The following NOS1AP variants were observed in gnomAD, a reference collection of about 807,000 sequenced individuals.
NOS1AP encodes carboxyl-terminal PDZ ligand of neuronal nitric oxide synthase protein.
In NOS1AP, 21 loss-of-function variants were observed where a neutral mutation model predicts 56.2. The ratio of observed to expected loss-of-function variants is 0.37; its 90% CI spans 0.26 to 0.54. The LOEUF (loss-of-function observed/expected upper bound fraction) is 0.54, where lower values mean the gene tolerates loss of function less well. NOS1AP is among the 20% of genes least tolerant of loss of function. The pLI is 0.84. For synonymous variants in NOS1AP, 270 were observed against 274.6 expected (o/e 0.98, Z 0.17); for missense variants, 522 against 657.8 (o/e 0.79, Z 2.26).
intron 2 of NOS1AP, among the ~76,000 whole-genome samples, chr1:162,207,920 G>A (rs1652213579): frequency 6.6e-6 from 1 of 152,110 alleles, no homozygotes; most frequent in Non-Finnish European, 1.5e-5. Context: ...GAAAAAAATA[G>A]TAATTCCTGA....
intron 2 of NOS1AP, among the ~76,000 whole-genome samples, chr1:162,160,293 T>A (rs182019725): frequency 6.6e-6 from 1 of 152,110 alleles, no homozygotes; most frequent in Non-Finnish European, 1.5e-5. Flanking sequence ...TTGAACAGAA[T>A]TCACCGGTGA....
intron 2 of NOS1AP, among the ~76,000 whole-genome samples, chr1:162,252,149 T>G (rs1475560306): frequency 6.6e-6 from 1 of 152,052 alleles, no homozygotes; most frequent in Non-Finnish European, 1.5e-5. Flanking sequence ...CAGGTCCAAA[T>G]GATCTTCCCA....
chr1:162,108,749 A>G (rs1647603299), intron 1 of NOS1AP, among the ~76,000 whole-genome samples: 1 of 152,198 alleles, frequency 6.6e-6, no homozygotes, highest in Admixed American at 6.5e-5. Flanking sequence ...GGGCAGAGGA[A>G]TGTGTTAAAT....
chr1:162,081,708 T>G (rs754965576), intron 1 of NOS1AP, among the ~76,000 whole-genome samples: 6 of 145,834 alleles, frequency 4.1e-5, no homozygotes, highest in Non-Finnish European at 9.0e-5. Flanking sequence ...CCACCATGCC[T>G]GGCTAAGTTT....
At chr1:162,263,003 C>A (rs1488960169) in intron 2 of NOS1AP, among the ~76,000 whole-genome samples, 1 of 152,212 alleles carries the variant, frequency 6.6e-6, no homozygotes, top group Non-Finnish European at 1.5e-5. Flanking sequence ...AGTGACCACT[C>A]TCTCCAAACC....
At chr1:162,211,719 G>T (rs1414598822) in intron 2 of NOS1AP, among the ~76,000 whole-genome samples, 1 of 152,026 alleles carries the variant, frequency 6.6e-6, no homozygotes, top group Non-Finnish European at 1.5e-5. Context: ...GACCCTGGGG[G>T]AGCCACTTTC....
chr1:162,121,082 ATTT>A (rs372854857), intron 1 of NOS1AP, among the ~76,000 whole-genome samples: 7 of 103,052 alleles, frequency 6.8e-5, no homozygotes, highest in African/African-American at 2.2e-4. Context: ...GCACACTAGG[ATTT>A]TTTTTTTTTT....
chr1:162,257,290 C>T (rs2101700511), intron 2 of NOS1AP, among the ~76,000 whole-genome samples: 1 of 152,110 alleles, frequency 6.6e-6, no homozygotes, highest in East Asian at 1.9e-4. Context: ...TCTCTGTTCA[C>T]ATCTGTGAAC....
chr1:162,362,337 G>C (rs1302653235), intron 8 of NOS1AP, among the ~76,000 whole-genome samples: 3 of 152,006 alleles, frequency 2.0e-5, no homozygotes, highest in African/African-American at 7.2e-5. Context: ...AGTAATTCCA[G>C]CTGTTTGGGA....
At chr1:162,331,912 C>T (rs1656783440) in intron 4 of NOS1AP, among the ~76,000 whole-genome samples, 1 of 152,194 alleles carries the variant, frequency 6.6e-6, no homozygotes, top group Admixed American at 6.5e-5. Flanking sequence ...TCCAGCCTCC[C>T]CTTGTTCCTA....
intron 2 of NOS1AP, among the ~76,000 whole-genome samples, chr1:162,196,253 C>T (rs1415263): frequency 0.46 from 70,262 of 152,012 alleles, 16,622 homozygotes; most frequent in South Asian, 0.62. Flanking sequence ...TACTTGATGA[C>T]GATAAAGGAA....
At chr1:162,249,226 G>A (rs972606896) in intron 2 of NOS1AP, among the ~76,000 whole-genome samples, 1 of 152,126 alleles carries the variant, frequency 6.6e-6, no homozygotes. Flanking sequence ...CTAGCCCTTG[G>A]CCAGAATGCA....
chr1:162,186,428 C>T (rs563586538), intron 2 of NOS1AP, among the ~76,000 whole-genome samples: 1 of 151,140 alleles, frequency 6.6e-6, no homozygotes, highest in African/African-American at 2.4e-5. Context: ...CAAAAAAAAA[C>T]AAAAAAACCC....
chr1:162,229,560 C>G (rs1368386233), intron 2 of NOS1AP, among the ~76,000 whole-genome samples: 1 of 151,894 alleles, frequency 6.6e-6, no homozygotes, highest in Non-Finnish European at 1.5e-5. Context: ...TTCTGTTTCA[C>G]CTGTTCCTGT....
At chr1:162,135,947 T>C (rs1272686843) in intron 1 of NOS1AP, among the ~76,000 whole-genome samples, 1 of 152,246 alleles carries the variant, frequency 6.6e-6, no homozygotes, top group African/African-American at 2.4e-5. Flanking sequence ...TGTACAACTG[T>C]TGTCTAGTGT....
At chr1:162,333,857 C>A (rs1232995430) in intron 5 of NOS1AP, among the ~76,000 whole-genome samples, 3 of 152,204 alleles carry the variant, frequency 2.0e-5, no homozygotes, top group Admixed American at 2.0e-4. Flanking sequence ...TGATAAAAAA[C>A]ATGTTGTTTA....
intron 2 of NOS1AP, among the ~76,000 whole-genome samples, chr1:162,184,575 G>A (rs1042300896): frequency 6.6e-6 from 1 of 152,154 alleles, no homozygotes; most frequent in African/African-American, 2.4e-5. Flanking sequence ...CTGTGACTTG[G>A]GTGGATTATT....
chr1:162,241,004 A>T (rs1315789448), intron 2 of NOS1AP, among the ~76,000 whole-genome samples: 1 of 152,188 alleles, frequency 6.6e-6, no homozygotes, highest in Non-Finnish European at 1.5e-5. Context: ...GTAGAGGCTG[A>T]AATCCAGCCT....
intron 3 of NOS1AP, among the ~76,000 whole-genome samples, chr1:162,299,753 G>GGT (rs138847283): frequency 1.1e-3 from 171 of 151,140 alleles, no homozygotes; most frequent in South Asian, 1.7e-3. Flanking sequence ...GATTAAATGT[G>GGT]GTGTGTGTGT....
Sources: gnomAD v4.1 joint callset for allele counts (sites outside exome capture counted in the v4.1 genomes callset) on GRCh38, gnomAD v4.1.1 for gene constraint, MANE v1.5 for transcripts, NCBI Gene and HGNC (gene_info 2026-07-23, HGNC 2026-07-21) for gene names.